The following ADGRB3 variants were observed in gnomAD, a reference collection of about 807,000 sequenced individuals.
ADGRB3 encodes the protein brain-specific angiogenesis inhibitor 3.
Under a neutral mutation model 193.4 loss-of-function variants are expected in ADGRB3, and 37 were observed. The ratio of observed to expected loss-of-function variants is 0.19; its 90% CI spans 0.15 to 0.25. The LOEUF is 0.25. Ranked by LOEUF, ADGRB3 falls within the 10% of genes least tolerant of loss-of-function variation. The pLI is 1.00. For synonymous variants in ADGRB3, 690 were observed against 644.2 expected (o/e 1.07, Z -1.08); for missense variants, 1,637 against 1,852.9 (o/e 0.88, Z 2.14).
At chr6:69,100,649 T>C (rs560918515) in intron 17 of ADGRB3, among the ~76,000 whole-genome samples, 7 of 152,136 alleles carry the variant, frequency 4.6e-5, no homozygotes, top group African/African-American at 1.7e-4. Flanking sequence ...CATGCCCTGA[T>C]ACTATTCCAA....
intron 26 of ADGRB3, among the ~76,000 whole-genome samples, chr6:69,353,260 G>A (rs1769266452): frequency 6.6e-6 from 1 of 152,200 alleles, no homozygotes. Flanking sequence ...CGTGAGATGT[G>A]TTTGTTCTTT....
chr6:69,132,523 C>G (rs560493501), intron 17 of ADGRB3, among the ~76,000 whole-genome samples: 2 of 151,942 alleles, frequency 1.3e-5, no homozygotes, highest in East Asian at 3.9e-4. Context: ...TTCTGGATAT[C>G]AGCCCTTTGT....
intron 6 of ADGRB3, among the ~76,000 whole-genome samples, chr6:68,946,189 C>A (rs1378671714): frequency 6.6e-6 from 1 of 152,026 alleles, no homozygotes; most frequent in Non-Finnish European, 1.5e-5. Flanking sequence ...ACTCTAATAA[C>A]TAGGATTTTT....
rs140881692 is a variant in ADGRB3 at position 69,153,734 on chromosome 6, C to T, written c.2480+77696C>T. Among the ~76,000 whole-genome samples, 124 of 152,272 alleles carry T rather than the reference C, an allele frequency of 8.1e-4. 1 individual carries two copies. Among genetic ancestry groups the T allele is most frequent in the African/African-American group, 2.9e-3 (119 of 41,540 alleles). ...ATTACTTTAGAAACATAAGAGTAAC[C>T]TGTAATCCCAGCACTTTGGGAGGCC... On this transcript the variant is annotated intron_variant, in intron 17 of 31. Transcript: ENST00000370598.
intron 3 of ADGRB3, among the ~76,000 whole-genome samples, chr6:68,763,640 T>C (rs565341033): frequency 4.6e-5 from 7 of 152,336 alleles, no homozygotes; most frequent in Admixed American, 1.3e-4. Context: ...ATTTCTATCT[T>C]GTTTCTGAAT....
At chr6:68,857,385 C>T (rs1048312921) in intron 3 of ADGRB3, among the ~76,000 whole-genome samples, 3 of 152,198 alleles carry the variant, frequency 2.0e-5, no homozygotes, top group African/African-American at 7.2e-5. Flanking sequence ...TGCAAAACCA[C>T]AGGAGCAGAC....
intron 3 of ADGRB3, among the ~76,000 whole-genome samples, chr6:68,743,086 C>T (rs1301186189): frequency 6.6e-6 from 1 of 151,944 alleles, no homozygotes; most frequent in Admixed American, 6.6e-5. Flanking sequence ...TCTATAGAAT[C>T]ACATTTCTTT....
chr6:69,217,177 C>T (rs765163276), intron 17 of ADGRB3, among the ~76,000 whole-genome samples: 6 of 151,994 alleles, frequency 3.9e-5, no homozygotes, highest in Non-Finnish European at 7.4e-5. Flanking sequence ...CCAAAAGAGT[C>T]GTAAATAAAG....
Position 69,030,859 on chromosome 6 carries a change from C to CT in ADGRB3, c.2107+12361dup, listed in dbSNP as rs200687599. Among the ~76,000 whole-genome samples the CT allele has an allele frequency of 7.1e-3, 1,086 of 151,894 alleles. 17 individuals carry two copies. Among genetic ancestry groups the CT allele is most frequent in the African/African-American group, 0.025 (1,035 of 41,314 alleles). On this transcript the variant is annotated intron_variant, in intron 13 of 31. Coordinates refer to ENST00000370598, the MANE Select transcript of ADGRB3 (RefSeq NM_001704.3). Reference sequence around the variant, plus strand: ...TTCCTCTTCTCTTCTCTTCTCTTCTCTCTCTGTCTCTCTCTCAAGAATTCT... The same window carrying CT: ...TTCCTCTTCTCTTCTCTTCTCTTCTCTTCTCTGTCTCTCTCTCAAGAATTCT...
chr6:68,822,028 A>G (rs1305803919), intron 3 of ADGRB3, among the ~76,000 whole-genome samples: 1 of 151,918 alleles, frequency 6.6e-6, no homozygotes, highest in Non-Finnish European at 1.5e-5. Context: ...GTCCTAAGTT[A>G]TACAGCTAGT....
intron 11 of ADGRB3, among the ~76,000 whole-genome samples, chr6:69,000,606 A>G (rs1469278710): frequency 6.6e-6 from 1 of 152,190 alleles, no homozygotes; most frequent in East Asian, 1.9e-4. Flanking sequence ...AAGCCCCAAA[A>G]GTATGAAACA....
At chr6:68,718,593 G>T (rs1459944177) in intron 3 of ADGRB3, among the ~76,000 whole-genome samples, 3 of 151,618 alleles carry the variant, frequency 2.0e-5, no homozygotes, top group Non-Finnish European at 4.4e-5. Flanking sequence ...ACTTATTGAG[G>T]TCATATTCAT....
In ADGRB3 at chr6:68,872,828, G is replaced by A. The variant is rs530674528; in HGVS notation, c.758-57731G>A. Reference sequence around the variant, plus strand: ...TGCTCTGAACAGGAAAGACATAGTAGTTCTGGGTTCTGTGTCAGTGGCCCA... The same window carrying A: ...TGCTCTGAACAGGAAAGACATAGTAATTCTGGGTTCTGTGTCAGTGGCCCA... On this transcript the variant is annotated intron_variant, in intron 3 of 31. Coordinates refer to ENST00000370598, the MANE Select transcript of ADGRB3 (RefSeq NM_001704.3). Among the ~76,000 whole-genome samples, 5 of 152,186 alleles carry A rather than the reference G, an allele frequency of 3.3e-5. No individual in the cohort carries two copies. In the South Asian group the frequency reaches 1.0e-3, roughly 32 times the overall value.
intron 20 of ADGRB3, among the ~76,000 whole-genome samples, chr6:69,306,542 G>T (rs1022751693): frequency 2.0e-5 from 3 of 151,448 alleles, no homozygotes; most frequent in African/African-American, 7.3e-5. Context: ...GATAAGCCAG[G>T]TACATCAATA....
intron 3 of ADGRB3, among the ~76,000 whole-genome samples, chr6:68,698,144 C>T (rs1765187144): frequency 6.6e-6 from 1 of 151,580 alleles, no homozygotes; most frequent in East Asian, 1.9e-4. Flanking sequence ...ATAAATATTA[C>T]CACTTATTTC....
At chr6:69,151,886 G>A (rs1362315856) in intron 17 of ADGRB3, among the ~76,000 whole-genome samples, 1 of 152,092 alleles carries the variant, frequency 6.6e-6, no homozygotes, top group Non-Finnish European at 1.5e-5. Flanking sequence ...TCCTGGGGGT[G>A]GTTATTCTCA....
chr6:69,048,402 G>T (rs914315868), intron 14 of ADGRB3, 68 bp downstream of exon 14: 34 of 1,462,262 alleles, frequency 2.3e-5, no homozygotes, highest in South Asian at 1.5e-4. Context: ...TAGAAATTAG[G>T]TATAAATCTT....
intron 20 of ADGRB3, among the ~76,000 whole-genome samples, chr6:69,317,630 A>G (rs1768344074): frequency 1.3e-5 from 2 of 151,410 alleles, no homozygotes; most frequent in African/African-American, 4.8e-5. Flanking sequence ...CAACATTTCT[A>G]TTACCCACGC....
At chr6:69,057,231 T>A (rs957595525) in intron 15 of ADGRB3, among the ~76,000 whole-genome samples, 5 of 152,126 alleles carry the variant, frequency 3.3e-5, no homozygotes, top group African/African-American at 1.2e-4. Context: ...TTTTTGTGCG[T>A]TAATTTTCTT....
Sources: allele counts gnomAD v4.1 joint callset (sites outside exome capture counted in the v4.1 genomes callset), GRCh38; gene constraint gnomAD v4.1.1; transcripts MANE v1.5; gene names NCBI Gene and HGNC (gene_info 2026-07-23, HGNC 2026-07-21).